The following PIGL variants were observed in gnomAD, a reference collection of about 807,000 sequenced individuals.
The protein encoded by PIGL is N-acetylglucosaminyl-phosphatidylinositol de-N-acetylase.
A neutral mutation model predicts 31.1 loss-of-function variants in PIGL; 22 were observed. The ratio of observed to expected loss-of-function variants is 0.71; its 90% CI spans 0.51 to 1.01. PIGL has a LOEUF of 1.01. Ranked by LOEUF, PIGL falls within the 50% of genes least tolerant of loss-of-function variation. PIGL has a pLI of 0.00. For synonymous variants in PIGL, 131 were observed against 117.4 expected, an observed-to-expected ratio of 1.12 and a Z score of -0.75; for missense variants, 302 against 315.9, an observed-to-expected ratio of 0.96 and a Z score of 0.33.
At chr17:16,316,337 C>G (rs1415227435) in intron 4 of PIGL, among the ~76,000 whole-genome samples, 1 of 152,162 alleles carries the variant, frequency 6.6e-6, no homozygotes, top group Non-Finnish European at 1.5e-5. Flanking sequence ...GTAAAATATT[C>G]CCCCATCATA....
At chr17:16,251,369 G>C (rs1475015272) in intron 2 of PIGL, among the ~76,000 whole-genome samples, 1 of 149,880 alleles carries the variant, frequency 6.7e-6, no homozygotes, top group Non-Finnish European at 1.5e-5. Flanking sequence ...GTTGCAGTGA[G>C]CCTTGATCAC....
In PIGL at chr17:16,239,356, A is replaced by G. The variant is rs1283283141; in HGVS notation, c.335+5286A>G. On this transcript the variant is annotated intron_variant, in intron 2 of 6. Transcript: ENST00000225609. ...AAATTAGCCAGGCGTGGTGGCATACACCTGTAATCCCAGCTACACAGGAAG... is the reference window on the plus strand; with the variant it reads ...AAATTAGCCAGGCGTGGTGGCATACGCCTGTAATCCCAGCTACACAGGAAG... Among the ~76,000 whole-genome samples, 22 of 151,440 alleles carry G rather than the reference A, an allele frequency of 1.5e-4. 1 individual carries two copies. Among genetic ancestry groups the G allele is most frequent in the Admixed American group, 1.5e-3 (22 of 15,168 alleles).
chr17:16,317,639 C>T, intron 5 of PIGL, 136 bp from the exon 6 acceptor site: 7 of 1,498,798 alleles, frequency 4.7e-6, no homozygotes, highest in Non-Finnish European at 6.2e-6. Flanking sequence ...AGCTTTAGTG[C>T]CACAGAAACA....
At chr17:16,238,234 G>C (rs977032455) in intron 2 of PIGL, among the ~76,000 whole-genome samples, 35 of 147,532 alleles carry the variant, frequency 2.4e-4, no homozygotes, top group African/African-American at 8.7e-4. Context: ...AAACATGAAA[G>C]AAGGGGCTGG....
intron 3 of PIGL, among the ~76,000 whole-genome samples, chr17:16,310,127 T>G (rs1042310341): frequency 6.6e-6 from 1 of 150,944 alleles, no homozygotes; most frequent in African/African-American, 2.4e-5. Flanking sequence ...AATATAAACA[T>G]TAATCATTAG....
chr17:16,270,423 A>G (rs914640776), intron 2 of PIGL, among the ~76,000 whole-genome samples: 5 of 151,896 alleles, frequency 3.3e-5, no homozygotes, highest in Non-Finnish European at 7.4e-5. Context: ...CTGTGATCCA[A>G]CAATTAATTA....
chr17:16,295,736 G>GT (rs1428312646), intron 2 of PIGL, among the ~76,000 whole-genome samples: 1 of 152,000 alleles, frequency 6.6e-6, no homozygotes, highest in Non-Finnish European at 1.5e-5. Flanking sequence ...GAGGTCAGGA[G>GT]TTTGAGACCA....
chr17:16,315,784 C>T (rs2093074195), intron 4 of PIGL, among the ~76,000 whole-genome samples: 1 of 124,260 alleles, frequency 8.0e-6, no homozygotes, highest in Non-Finnish European at 1.6e-5. Context: ...GGCGTGATCT[C>T]AGCTCACTGC....
intron 1 of PIGL, among the ~76,000 whole-genome samples, chr17:16,220,592 G>A (rs961653719): frequency 1.4e-5 from 2 of 146,350 alleles, no homozygotes; most frequent in African/African-American, 2.5e-5. Context: ...AGGTTCAAGC[G>A]ATTTTCCTGC....
intron 2 of PIGL, among the ~76,000 whole-genome samples, chr17:16,259,518 CAAAAAGAAAGAAAGA>C (rs2092810626): frequency 6.6e-6 from 1 of 151,516 alleles, no homozygotes; most frequent in Admixed American, 6.6e-5. Flanking sequence ...TTCAAAAAAA[CAAAAAGAAAGAAAGA>C]AAAAAGAATG....
chr17:16,254,997 C>A (rs888665408), intron 2 of PIGL, among the ~76,000 whole-genome samples: 1 of 152,202 alleles, frequency 6.6e-6, no homozygotes, highest in East Asian at 1.9e-4. Context: ...AGGAATGATT[C>A]CATTTGCACC....
In PIGL at chr17:16,246,672, C is replaced by CTTTTTTTTTTT. The variant is rs1197171634; in HGVS notation, c.335+12616_335+12626dup. Among the ~76,000 whole-genome samples the CTTTTTTTTTTT allele has an allele frequency of 3.4e-4, 22 of 64,178 alleles. 7 individuals are homozygous for CTTTTTTTTTTT. The highest frequency in any genetic ancestry group is 4.9e-4 in the South Asian group (1 of 2,046). 42.1% of individuals were successfully genotyped at this position (64,178 alleles called of 152,430 possible). The stretch of plus-strand genomic sequence containing the variant: ...GCAGGCTAGAAGTCCAGATCAAGGT[C>CTTTTTTTTTTT]TTTTTTTTTTTTTTTTTTTTTTTTG... On this transcript the variant is annotated intron_variant, in intron 2 of 6. Transcript: ENST00000225609.
intron 6 of PIGL, among the ~76,000 whole-genome samples, chr17:16,321,185 C>T (rs1444717563): frequency 6.6e-6 from 1 of 150,886 alleles, no homozygotes; most frequent in Non-Finnish European, 1.5e-5. Context: ...TGATCCGCTC[C>T]CCTCTGCTTC....
chr17:16,218,490 C>A (rs2092609613), intron 1 of PIGL, among the ~76,000 whole-genome samples: 1 of 152,132 alleles, frequency 6.6e-6, no homozygotes, highest in South Asian at 2.1e-4. Flanking sequence ...TAAATGGCTT[C>A]ATCGGGATAA....
chr17:16,259,177 G>C (rs889359789), intron 2 of PIGL, among the ~76,000 whole-genome samples: 2 of 151,830 alleles, frequency 1.3e-5, no homozygotes, highest in African/African-American at 4.8e-5. Flanking sequence ...ACAACAGTCT[G>C]GTTTCTGTAA....
intron 2 of PIGL, among the ~76,000 whole-genome samples, chr17:16,256,045 C>A (rs2092792447): frequency 6.6e-6 from 1 of 151,872 alleles, no homozygotes; most frequent in Non-Finnish European, 1.5e-5. Context: ...AAAAGTGAGA[C>A]CAGGAAGGAA....
At chr17:16,297,014 C>T (rs1251636606) in intron 2 of PIGL, among the ~76,000 whole-genome samples, 3 of 152,166 alleles carry the variant, frequency 2.0e-5, no homozygotes, top group Admixed American at 6.5e-5. Flanking sequence ...GCCACCGTTC[C>T]GGCCCTTTTT....
intron 2 of PIGL, among the ~76,000 whole-genome samples, chr17:16,238,191 G>A (rs1442491257): frequency 6.9e-4 from 88 of 128,274 alleles, no homozygotes; most frequent in African/African-American, 2.3e-3. Flanking sequence ...ATGAGACTCC[G>A]TCTCAAAAAA....
intron 3 of PIGL, among the ~76,000 whole-genome samples, chr17:16,304,872 C>T (rs1490295594): frequency 1.3e-5 from 2 of 152,188 alleles, no homozygotes; most frequent in African/African-American, 4.8e-5. Context: ...CACTATTGCG[C>T]ATTTGAGACT....
Sources: allele counts gnomAD v4.1 joint callset (sites outside exome capture counted in the v4.1 genomes callset), GRCh38; gene constraint gnomAD v4.1.1; transcripts MANE v1.5; gene names NCBI Gene and HGNC (gene_info 2026-07-23, HGNC 2026-07-21).